The following UBE2QL1 variants were observed in gnomAD, a reference collection of about 807,000 sequenced individuals.
The protein encoded by UBE2QL1 is ubiquitin-conjugating enzyme E2Q-like protein 1.
Under a neutral mutation model 12.6 loss-of-function variants are expected in UBE2QL1, and 5 were observed. The observed-to-expected ratio is 0.40, with a 90% CI of 0.21 to 0.83. The LOEUF is 0.83. Among genes scored for constraint, UBE2QL1 ranks in the 40% least tolerant of loss-of-function variants. The probability of loss-of-function intolerance (pLI) is 0.37; values close to 1 mark genes in which losing one functional copy is unlikely to be tolerated. For synonymous variants in UBE2QL1, 96 were observed against 94.5 expected (o/e 1.02, Z -0.10); for missense variants, 99 against 222.6 (o/e 0.44, Z 3.53).
intron 1 of UBE2QL1, among the ~76,000 whole-genome samples, chr5:6,485,896 A>G (rs1579302377): frequency 6.6e-6 from 1 of 152,264 alleles, no homozygotes; most frequent in East Asian, 1.9e-4. Context: ...GAAATTAGCT[A>G]TGTAAATGCA....
chr5:6,474,000 A>G (rs1022235623), intron 1 of UBE2QL1, among the ~76,000 whole-genome samples: 1 of 152,228 alleles, frequency 6.6e-6, no homozygotes, highest in African/African-American at 2.4e-5. Flanking sequence ...CCCTCAAAAA[A>G]TTATTGGCTG....
rs2126384384 is a variant in UBE2QL1 at position 6,496,289 on chromosome 5, TG to T, written c.*4941del. ...CTACTTTGTAGACATGCAATCGTTT[TG>T]TACCTCTAGACCTTGGGCAGTCACT... On this transcript the variant is annotated 3_prime_UTR_variant, in exon 2 of 2. Coordinates refer to ENST00000399816, the MANE Select transcript of UBE2QL1 (RefSeq NM_001145161.3). Among the ~76,000 whole-genome samples the T allele has an allele frequency of 6.6e-6, 1 of 152,360 alleles. No individual in the cohort carries two copies. The highest frequency in any genetic ancestry group is 1.5e-5 in the Non-Finnish European group (1 of 68,024).
rs541795634 is a variant in UBE2QL1 at position 6,495,522 on chromosome 5, C to G, written c.*4173C>G. 6.6e-6 allele frequency among the ~76,000 whole-genome samples: 1 copy of G among 152,266 alleles called. No individual in the cohort carries two copies. Among genetic ancestry groups the G allele is most frequent in the African/African-American group, 2.4e-5 (1 of 41,558 alleles). On this transcript the variant is annotated 3_prime_UTR_variant, in exon 2 of 2. Transcript: ENST00000399816. ...CACTGCCTTACTGTGGCTTTCTGAT[C>G]CTTTATGTTGCTTCATGAGACTATT...
chr5:6,456,440 A>G (rs1739526513), intron 1 of UBE2QL1, among the ~76,000 whole-genome samples: 1 of 152,166 alleles, frequency 6.6e-6, no homozygotes, highest in Non-Finnish European at 1.5e-5. Flanking sequence ...ATACGGTTTC[A>G]TTGCTGATAA....
intron 1 of UBE2QL1, among the ~76,000 whole-genome samples, chr5:6,451,897 A>G (rs1739419124): frequency 6.6e-6 from 1 of 152,212 alleles, no homozygotes; most frequent in South Asian, 2.1e-4. Flanking sequence ...TGCTTTGGGA[A>G]AGCAATCAAA....
intron 1 of UBE2QL1, among the ~76,000 whole-genome samples, chr5:6,489,431 A>AAAAAGAAAAAG (rs113125348): frequency 6.6e-6 from 1 of 151,110 alleles, no homozygotes; most frequent in African/African-American, 2.5e-5. Context: ...CTGTAAAAAA[A>AAAAAGAAAAAG]AAAAAGAAAA....
chr5:6,467,433 C>T (rs1739820318), intron 1 of UBE2QL1, among the ~76,000 whole-genome samples: 1 of 152,156 alleles, frequency 6.6e-6, no homozygotes, highest in African/African-American at 2.4e-5. Flanking sequence ...TGGGTCCTCA[C>T]AGGATCTGTC....
At chr5:6,474,699 G>C (rs560276808) in intron 1 of UBE2QL1, among the ~76,000 whole-genome samples, 1 of 152,340 alleles carries the variant, frequency 6.6e-6, no homozygotes, top group African/African-American at 2.4e-5. Flanking sequence ...AACCCCACAG[G>C]CTTCGTCGTT....
At chr5:6,485,492 A>G (rs1270677518) in intron 1 of UBE2QL1, among the ~76,000 whole-genome samples, 1 of 152,226 alleles carries the variant, frequency 6.6e-6, no homozygotes, top group Non-Finnish European at 1.5e-5. Context: ...TCAAGCCAAG[A>G]GCCTAGTGAG....
rs1269923725 is a variant in UBE2QL1 at position 6,481,258 on chromosome 5, C to T, written c.355-9960C>T. ...ACCCATCCTCCCAGGACCCCACAGC[C>T]TGCTCCTAAGACAGCGTCTCTCTCT... On this transcript the variant is annotated intron_variant, in intron 1 of 1. Coordinates refer to ENST00000399816, the MANE Select transcript of UBE2QL1 (RefSeq NM_001145161.3). The surrounding 1 kb of genome is among the most constrained non-coding windows in gnomAD (Gnocchi z 4.5). 6.6e-6 allele frequency among the ~76,000 whole-genome samples: 1 copy of T among 152,234 alleles called. No homozygotes were observed. The highest frequency in any genetic ancestry group is 1.5e-5 in the Non-Finnish European group (1 of 68,046).
chr5:6,477,210 C>A (rs1734251259), intron 1 of UBE2QL1, among the ~76,000 whole-genome samples: 1 of 152,258 alleles, frequency 6.6e-6, no homozygotes, highest in Admixed American at 6.5e-5. Context: ...CTGGGCCTCA[C>A]AAACTGACCT....
chr5:6,466,054 C>T (rs752411046), intron 1 of UBE2QL1, among the ~76,000 whole-genome samples: 38 of 152,282 alleles, frequency 2.5e-4, no homozygotes, highest in Admixed American at 5.9e-4. Flanking sequence ...CTCTTCCTTC[C>T]CTCTGCCCCT....
chr5:6,475,116 T>C (rs1246365864), intron 1 of UBE2QL1, among the ~76,000 whole-genome samples: 1 of 152,258 alleles, frequency 6.6e-6, no homozygotes, highest in Non-Finnish European at 1.5e-5. Context: ...TTAGCTATTA[T>C]GATTCTTAAT....
rs3088100 is a variant in UBE2QL1 at position 6,491,644 on chromosome 5, T to C, written c.*295T>C. On this transcript the variant is annotated 3_prime_UTR_variant, in exon 2 of 2. Transcript: ENST00000399816. ...CTGCCTGCCCCTCTGCCCACCCCGG[T>C]CACATTGCCCTGAGCTTCTTTCCAT... 0.23 allele frequency: 49,593 copies of C among 215,952 alleles called. 9,929 individuals are homozygous for C. The highest frequency in any genetic ancestry group is 0.61 in the African/African-American group (26,529 of 43,696). The allele number at this position is 215,952 out of a possible 1,614,324, so 13.4% of individuals were successfully genotyped here.
At chr5:6,477,426 G>A (rs1009794347) in intron 1 of UBE2QL1, among the ~76,000 whole-genome samples, 4 of 152,128 alleles carry the variant, frequency 2.6e-5, no homozygotes, top group African/African-American at 4.8e-5. Context: ...AGGTGCGCCC[G>A]GAGATCAGCC....
In UBE2QL1 at chr5:6,471,888, T is replaced by C. The variant is rs537705381; in HGVS notation, c.355-19330T>C. ...TAATAAATTCTGGCATACACGTTCATGTAAACCACATTTGTATTGTGACTT... is the reference window on the plus strand; with the variant it reads ...TAATAAATTCTGGCATACACGTTCACGTAAACCACATTTGTATTGTGACTT... On this transcript the variant is annotated intron_variant, in intron 1 of 1. Coordinates refer to ENST00000399816, the MANE Select transcript of UBE2QL1 (RefSeq NM_001145161.3). Among the ~76,000 whole-genome samples the C allele has an allele frequency of 8.5e-5, 13 of 152,364 alleles. No individual in the cohort carries two copies. In the East Asian group the frequency reaches 9.6e-4, roughly 11 times the overall value.
intron 1 of UBE2QL1, among the ~76,000 whole-genome samples, chr5:6,466,529 C>T (rs995312151): frequency 6.6e-6 from 1 of 152,230 alleles, no homozygotes; most frequent in Non-Finnish European, 1.5e-5. Context: ...TGGGGCCTGC[C>T]GGACCAGCCC....
intron 1 of UBE2QL1, among the ~76,000 whole-genome samples, chr5:6,458,506 T>A (rs1739582070): frequency 6.6e-6 from 1 of 152,246 alleles, no homozygotes; most frequent in Non-Finnish European, 1.5e-5. Context: ...TTTGGACATT[T>A]TGTGCACAAA....
intron 1 of UBE2QL1, among the ~76,000 whole-genome samples, chr5:6,489,264 A>G (rs1734520532): frequency 6.6e-6 from 1 of 152,086 alleles, no homozygotes; most frequent in South Asian, 2.1e-4. Context: ...ATCTCTATAA[A>G]AAATAAAAAA....
Sources: gnomAD v4.1 joint callset for allele counts (sites outside exome capture counted in the v4.1 genomes callset) on GRCh38, gnomAD v4.1.1 for gene constraint, Gnocchi (gnomAD v3.1) non-coding constraint, MANE v1.5 for transcripts, NCBI Gene and HGNC (gene_info 2026-07-23, HGNC 2026-07-21) for gene names.